NAA11: variants seen among roughly 807,000 people sequenced by gnomAD.
NAA11 encodes the protein N-alpha-acetyltransferase 11.
NAA11 carries 15 observed loss-of-function variants against 16.1 expected under a neutral mutation model. The observed-to-expected ratio is 0.93, with a 90% CI of 0.62 to 1.44. NAA11 has a LOEUF of 1.44. Among genes scored for constraint, NAA11 ranks in the 40% most tolerant of loss-of-function variants. NAA11 has a pLI of 0.00. For synonymous variants in NAA11, 122 were observed against 112.4 expected (o/e 1.09, Z -0.54); for missense variants, 298 against 291.3 (o/e 1.02, Z -0.17).
chr4:79,285,695 T>G (rs1722890173), intron 2 of NAA11, among the ~76,000 whole-genome samples: 1 of 152,008 alleles, frequency 6.6e-6, no homozygotes, highest in Non-Finnish European at 1.5e-5. Flanking sequence ...AGAGATTTAG[T>G]ACTAAATTAT....
the NAA11 span, among the ~76,000 whole-genome samples, chr4:79,170,077 G>T: frequency 6.6e-6 from 1 of 152,134 alleles, no homozygotes; most frequent in African/African-American, 2.4e-5. Context: ...TGACTGCCTT[G>T]ATGAACAGAA....
chr4:79,223,179 T>C (rs1721230894), downstream of NAA11, among the ~76,000 whole-genome samples: 1 of 151,454 alleles, frequency 6.6e-6, no homozygotes, highest in East Asian at 1.9e-4. Flanking sequence ...CATGCTGCTA[T>C]AAAGACTCAT....
At chr4:79,211,303 C>T in the NAA11 span, among the ~76,000 whole-genome samples, 1 of 152,006 alleles carries the variant, frequency 6.6e-6, no homozygotes, top group African/African-American at 2.4e-5. Context: ...AGCTACATTC[C>T]ATATATTCTT....
chr4:79,288,214 TG>T (rs1722993515), intron 2 of NAA11, among the ~76,000 whole-genome samples: 2 of 152,120 alleles, frequency 1.3e-5, no homozygotes, highest in Non-Finnish European at 2.9e-5. Context: ...CATTACAGAA[TG>T]GGGTGTTTTT....
chr4:79,303,077 TA>T (rs1560463041), intron 1 of NAA11, among the ~76,000 whole-genome samples: 11 of 3,088 alleles, frequency 3.6e-3, no homozygotes, highest in South Asian at 0.017. Flanking sequence ...TGAGGCCTTT[TA>T]TATATATATA....
the NAA11 span, among the ~76,000 whole-genome samples, chr4:79,188,591 AAAG>A: frequency 6.8e-6 from 1 of 147,112 alleles, no homozygotes; most frequent in Non-Finnish European, 1.5e-5. Flanking sequence ...CCTCAAAAAA[AAAG>A]AAAAAAAAAA....
chr4:79,266,300 T>C (rs1019449238), intron 2 of NAA11, among the ~76,000 whole-genome samples: 8 of 152,204 alleles, frequency 5.3e-5, no homozygotes, highest in South Asian at 2.1e-4. Context: ...CTCTTCCTAA[T>C]GGCATTCTGC....
intron 1 of NAA11, among the ~76,000 whole-genome samples, chr4:79,302,756 C>G (rs1723429205): frequency 1.3e-5 from 2 of 151,810 alleles, no homozygotes; most frequent in South Asian, 4.2e-4. Context: ...ATCTCTTTTT[C>G]CCTTCTTACA....
chr4:79,205,167 C>T, the NAA11 span, among the ~76,000 whole-genome samples: 1 of 151,918 alleles, frequency 6.6e-6, no homozygotes, highest in Non-Finnish European at 1.5e-5. Context: ...GATTTATTTT[C>T]CTTTAAGTCG....
At chr4:79,185,910 C>G in the NAA11 span, among the ~76,000 whole-genome samples, 1 of 151,940 alleles carries the variant, frequency 6.6e-6, no homozygotes, top group East Asian at 1.9e-4. Flanking sequence ...CTAGTTCACA[C>G]GAAGTGTTTG....
chr4:79,288,220 G>A (rs921855269), intron 2 of NAA11, among the ~76,000 whole-genome samples: 4 of 152,062 alleles, frequency 2.6e-5, no homozygotes, highest in Non-Finnish European at 5.9e-5. Flanking sequence ...AGAATGGGGT[G>A]TTTTTTCCCC....
chr4:79,205,036 A>G, the NAA11 span, among the ~76,000 whole-genome samples: 9 of 151,910 alleles, frequency 5.9e-5, no homozygotes, highest in African/African-American at 2.2e-4. Flanking sequence ...TGTTATATAT[A>G]CACACCACAT....
intron 1 of NAA11, among the ~76,000 whole-genome samples, chr4:79,295,689 T>C (rs1250940373): frequency 6.6e-6 from 1 of 152,128 alleles, no homozygotes; most frequent in African/African-American, 2.4e-5. Flanking sequence ...ATTAAATGGG[T>C]AGTATAAATA....
At chr4:79,309,660 C>T (rs1377230760) in intron 1 of NAA11, among the ~76,000 whole-genome samples, 1 of 146,422 alleles carries the variant, frequency 6.8e-6, no homozygotes, top group Non-Finnish European at 1.5e-5. Flanking sequence ...TTCTTCTTAA[C>T]GTAGTATTTA....
chr4:79,315,946 A>C (rs960857008), downstream of NAA11, among the ~76,000 whole-genome samples: 1 of 152,222 alleles, frequency 6.6e-6, no homozygotes, highest in Non-Finnish European at 1.5e-5. Flanking sequence ...AGAAGATATA[A>C]TGATAACAAA....
chr4:79,324,014 A>G (rs1049807072), intron 1 of NAA11, among the ~76,000 whole-genome samples: 4 of 151,932 alleles, frequency 2.6e-5, no homozygotes, highest in Non-Finnish European at 5.9e-5. Context: ...AAAAAAAAAA[A>G]AAAAAGTACA....
the NAA11 span, among the ~76,000 whole-genome samples, chr4:79,218,336 T>C: frequency 6.7e-6 from 1 of 149,766 alleles, no homozygotes; most frequent in African/African-American, 2.5e-5. Flanking sequence ...AAGTGACAAA[T>C]AAGTTAGTTT....
chr4:79,214,492 G>A, the NAA11 span, among the ~76,000 whole-genome samples: 1 of 152,018 alleles, frequency 6.6e-6, no homozygotes, highest in Non-Finnish European at 1.5e-5. Flanking sequence ...TGTGGGAGTG[G>A]GTTTATTATA....
chr4:79,174,076 C>T, the NAA11 span, among the ~76,000 whole-genome samples: 1 of 152,140 alleles, frequency 6.6e-6, no homozygotes, highest in African/African-American at 2.4e-5. Context: ...ACCTGTGATC[C>T]TGTTCATCAT....
Sources: allele counts gnomAD v4.1 joint callset (sites outside exome capture counted in the v4.1 genomes callset), GRCh38; gene constraint gnomAD v4.1.1; transcripts MANE v1.5; gene names NCBI Gene and HGNC (gene_info 2026-07-23, HGNC 2026-07-21).